RASA3: variants seen among roughly 807,000 people sequenced by gnomAD.
RASA3 encodes RAS p21 protein activator 3, also known as ras GTPase-activating protein 3.
Under a neutral mutation model 110.0 loss-of-function variants are expected in RASA3, and 73 were observed. That is an observed-to-expected ratio of 0.66 (90% CI 0.55 to 0.81). The LOEUF (loss-of-function observed/expected upper bound fraction) is 0.81, where lower values mean the gene tolerates loss of function less well. Among genes scored for constraint, RASA3 ranks in the 30% least tolerant of loss-of-function variants. The pLI is 0.00. For synonymous variants in RASA3, 500 were observed against 451.4 expected, an observed-to-expected ratio of 1.11 and a Z score of -1.37; for missense variants, 976 against 1,113.2, an observed-to-expected ratio of 0.88 and a Z score of 1.75.
At chr13:114,098,278 T>G (rs1003762648) in intron 1 of RASA3, among the ~76,000 whole-genome samples, 1 of 151,972 alleles carries the variant, frequency 6.6e-6, no homozygotes, top group African/African-American at 2.4e-5. Context: ...CCCTCTACCC[T>G]GGGGGCAGAG....
At chr13:113,981,382 G>T (rs778700062) in intron 23 of RASA3, among the ~76,000 whole-genome samples, 1 of 152,232 alleles carries the variant, frequency 6.6e-6, no homozygotes, top group Non-Finnish European at 1.5e-5. Flanking sequence ...GCCAGAGCAC[G>T]TGACACCAGT....
In RASA3 at chr13:114,011,644, C is replaced by T. The variant is rs576401968; in HGVS notation, c.1513-396G>A. 7.9e-5 allele frequency among the ~76,000 whole-genome samples: 12 copies of T among 151,946 alleles called. No individual in the cohort carries two copies. Among genetic ancestry groups the T allele is most frequent in the South Asian group, 2.1e-4 (1 of 4,792 alleles). On this transcript the variant is annotated intron_variant, in intron 15 of 23. Coordinates refer to ENST00000334062, the MANE Select transcript of RASA3 (RefSeq NM_007368.4). This position sits in a 1 kb window ranked among gnomAD's most constrained non-coding sequence, Gnocchi z 4.8. ...GGTTCAACTCAGAAGTGCTGGGGGC[C>T]GGGCTTGGTGGCTCACGCCTGTAAT...
At chr13:114,124,940 A>G (rs2080425724) in intron 1 of RASA3, among the ~76,000 whole-genome samples, 1 of 152,226 alleles carries the variant, frequency 6.6e-6, no homozygotes. Context: ...ACTTGCTGCT[A>G]CGGAAGGCCT....
chr13:113,999,087 G>A (rs1384958686), intron 20 of RASA3, among the ~76,000 whole-genome samples: 1 of 36,116 alleles, frequency 2.8e-5, no homozygotes, highest in Non-Finnish European at 4.5e-5. Context: ...AAGCGTGACC[G>A]GGGAACGAGG....
chr13:114,087,878 C>T (rs1034996760), intron 1 of RASA3, among the ~76,000 whole-genome samples: 2 of 152,234 alleles, frequency 1.3e-5, no homozygotes, highest in Admixed American at 6.5e-5. Context: ...GCCTTTAATA[C>T]CAGAATTTTG....
At chr13:113,997,970 C>T (rs2053294009) in intron 20 of RASA3, among the ~76,000 whole-genome samples, 1 of 152,232 alleles carries the variant, frequency 6.6e-6, no homozygotes, top group African/African-American at 2.4e-5. Context: ...TGGCCATCAT[C>T]CCAGGCTCGG....
intron 3 of RASA3, among the ~76,000 whole-genome samples, chr13:114,045,715 G>A (rs1009672249): frequency 2.0e-5 from 3 of 152,180 alleles, no homozygotes; most frequent in South Asian, 2.1e-4. Flanking sequence ...TGGAGACGTC[G>A]ACTGCGTTTG....
At chr13:114,068,764 T>C (rs1455539313) in intron 2 of RASA3, among the ~76,000 whole-genome samples, 2 of 152,226 alleles carry the variant, frequency 1.3e-5, no homozygotes, top group African/African-American at 2.4e-5. Context: ...GTATGGATTG[T>C]GAACACAGTT....
chr13:113,980,598 A>G (rs955057372), intron 23 of RASA3, among the ~76,000 whole-genome samples: 3 of 152,242 alleles, frequency 2.0e-5, no homozygotes, highest in African/African-American at 4.8e-5. Flanking sequence ...AGGTTGATGG[A>G]CCTGCTGATA....
chr13:114,070,240 A>G (rs1176262927), intron 2 of RASA3, among the ~76,000 whole-genome samples: 5 of 136,186 alleles, frequency 3.7e-5, no homozygotes, highest in African/African-American at 1.4e-4. Flanking sequence ...AGACTCGGGG[A>G]CCAGGAGACT....
intron 4 of RASA3, among the ~76,000 whole-genome samples, chr13:114,038,902 C>T (rs986401577): frequency 6.6e-5 from 10 of 152,222 alleles, no homozygotes; most frequent in Admixed American, 3.3e-4. Flanking sequence ...AAGTCTCAGG[C>T]GAAGTCCTCA....
intron 1 of RASA3, among the ~76,000 whole-genome samples, chr13:114,090,031 T>G (rs555087302): frequency 6.6e-6 from 1 of 152,388 alleles, no homozygotes; most frequent in South Asian, 2.1e-4. Flanking sequence ...GAACGCATTC[T>G]GTGTATTTGT....
In RASA3 at chr13:114,011,172, G is replaced by A. The variant is rs754672866; in HGVS notation, c.1589C>T (p.Ser530Phe). The A allele has an allele frequency of 8.1e-6, 13 of 1,608,548 alleles. No individual in the cohort carries two copies. The East Asian group carries it at 2.9e-4, about 36-fold the overall frequency. Residue 530 changes from serine (S) to phenylalanine (F), a missense_variant and splice_region_variant, in exon 16 of 24, where the codon TCT becomes TTT. Coordinates refer to ENST00000334062, the MANE Select transcript of RASA3 (RefSeq NM_007368.4). This position sits in a 1 kb window ranked among gnomAD's most constrained non-coding sequence, Gnocchi z 4.8. ...QTLGSLSKSK[S>F]ASFKESYMAT... ...AGAAAATGAAGAAGAGGGACTCACA[G>A]ATTTGGACTTGGACAGGCTGCCGAG...
At chr13:114,004,426 G>A (rs927306523) in intron 18 of RASA3, among the ~76,000 whole-genome samples, 1 of 152,018 alleles carries the variant, frequency 6.6e-6, no homozygotes, top group Non-Finnish European at 1.5e-5. Flanking sequence ...GGGGATAGAC[G>A]TTTTTCAGAA....
At position 114,000,839 on chromosome 13, in the gene RASA3, G is replaced by A. The variant is rs370915633; in HGVS notation, c.1836C>T (p.Tyr612=). The change falls in exon 19 of 24, where the codon TAC becomes TAT. Residue 612 remains tyrosine (Y), a synonymous_variant. Coordinates refer to ENST00000334062, the MANE Select transcript of RASA3 (RefSeq NM_007368.4). ...WFRLTNHEFT[Y]HKSKGDQPLY... ...CTTGCTCCTTACCTTTGCTTTTGTG[G>A]TAGGTAAATTCATGGTTGGTCAAGC... The A allele has an allele frequency of 6.2e-7, 1 of 1,610,072 alleles. No homozygotes were observed. The highest frequency in any genetic ancestry group is 1.3e-5 in the African/African-American group (1 of 74,844).
chr13:114,103,107 T>A (rs1594458406), intron 1 of RASA3, among the ~76,000 whole-genome samples: 2 of 152,312 alleles, frequency 1.3e-5, no homozygotes, highest in East Asian at 3.9e-4. Context: ...GAGGTGGCTG[T>A]GGCCAATGGC....
chr13:114,037,830 A>G (rs1311942811), intron 4 of RASA3, among the ~76,000 whole-genome samples: 2 of 152,214 alleles, frequency 1.3e-5, no homozygotes, highest in Non-Finnish European at 2.9e-5. Context: ...CCAGCTGCGC[A>G]TGGCAGTGCC....
chr13:114,015,662 C>T (rs368657921), intron 13 of RASA3, among the ~76,000 whole-genome samples: 10 of 152,272 alleles, frequency 6.6e-5, no homozygotes, highest in Middle Eastern at 3.2e-3. Flanking sequence ...CGAAACAGCA[C>T]GCTCTGCAAG....
rs533101394 is a variant in RASA3 at position 114,054,840 on chromosome 13, C to T, written c.174-2685G>A. Among the ~76,000 whole-genome samples the T allele has an allele frequency of 3.6e-4, 55 of 152,384 alleles. No individual in the cohort carries two copies. In the South Asian group the frequency reaches 5.4e-3, roughly 15 times the overall value. On this transcript the variant is annotated intron_variant, in intron 2 of 23. Coordinates refer to ENST00000334062, the MANE Select transcript of RASA3 (RefSeq NM_007368.4). Reference sequence around the variant, plus strand: ...GTCACGTTTCCTTTAAACACATTCTCGCGTTGGTCGTTGACGCAGCGAGCC... The same window carrying T: ...GTCACGTTTCCTTTAAACACATTCTTGCGTTGGTCGTTGACGCAGCGAGCC...
Sources: gnomAD v4.1 joint callset for allele counts (sites outside exome capture counted in the v4.1 genomes callset) on GRCh38, gnomAD v4.1.1 for gene constraint, Gnocchi (gnomAD v3.1) non-coding constraint, MANE v1.5 for transcripts, NCBI Gene and HGNC (gene_info 2026-07-23, HGNC 2026-07-21) for gene names.